Variants in KIF3B observed in about 807,000 individuals in gnomAD.
The protein encoded by KIF3B is kinesin-like protein KIF3B.
In KIF3B, 38 loss-of-function variants were observed where a neutral mutation model predicts 74.3. The ratio of observed to expected loss-of-function variants is 0.51; its 90% CI spans 0.39 to 0.67. The LOEUF (loss-of-function observed/expected upper bound fraction) is 0.67. Among genes scored for constraint, KIF3B ranks in the 30% least tolerant of loss-of-function variants. The probability of loss-of-function intolerance (pLI) is 0.00; values close to 1 mark genes in which losing one functional copy is unlikely to be tolerated. For missense variants in KIF3B, 649 were observed against 932.0 expected, an observed-to-expected ratio of 0.70 and a Z score of 3.95; for synonymous variants, 326 against 342.5, an observed-to-expected ratio of 0.95 and a Z score of 0.53.
At chr20:32,313,696 C>T (rs922432637) in intron 2 of KIF3B, among the ~76,000 whole-genome samples, 2 of 137,168 alleles carry the variant, frequency 1.5e-5, no homozygotes, top group African/African-American at 5.0e-5. Flanking sequence ...ACTGGCTGTG[C>T]CCATATTTTG....
chr20:32,323,485 T>C (rs565822429), intron 5 of KIF3B, among the ~76,000 whole-genome samples: 3 of 150,914 alleles, frequency 2.0e-5, no homozygotes, highest in African/African-American at 7.3e-5. Flanking sequence ...CTGCAAACTC[T>C]GCCTCCCAGG....
chr20:32,325,124 C>A (rs921464546), intron 5 of KIF3B, among the ~76,000 whole-genome samples: 1 of 152,106 alleles, frequency 6.6e-6, no homozygotes, highest in Non-Finnish European at 1.5e-5. Flanking sequence ...AATATACCAA[C>A]ATAATAATAA....
In KIF3B at chr20:32,327,624, G is replaced by T; in HGVS notation, c.1931G>T (p.Arg644Ile). ...GYKRPLSQHA[R>I]MSMMIRPEAR... ...AAGAGACCATTGAGCCAGCACGCAAGAATGTCCATGATGATTCGTCCAGAG... is the reference window on the plus strand; with the variant it reads ...AAGAGACCATTGAGCCAGCACGCAATAATGTCCATGATGATTCGTCCAGAG... Residue 644 changes from arginine to isoleucine, a missense_variant, in exon 7 of 9, where the codon AGA becomes ATA. By Grantham distance (97) the Arg-to-Ile change is moderately conservative. Coordinates refer to ENST00000375712, the MANE Select transcript of KIF3B (RefSeq NM_004798.4). The T allele has an allele frequency of 6.2e-7, 1 of 1,613,434 alleles. No homozygotes were observed. The highest frequency in any genetic ancestry group is 1.1e-5 in the South Asian group (1 of 91,062).
At chr20:32,317,820 T>A (rs2047836021) in intron 5 of KIF3B, among the ~76,000 whole-genome samples, 1 of 152,046 alleles carries the variant, frequency 6.6e-6, no homozygotes, top group African/African-American at 2.4e-5. Context: ...AAAAAAAATT[T>A]TATAGAGATA....
rs566508218 is a variant in KIF3B at position 32,306,564 on chromosome 20, T to C, written c.-65-3149T>C. Among the ~76,000 whole-genome samples the C allele has an allele frequency of 1.2e-3, 184 of 149,554 alleles. 2 individuals carry two copies. Among genetic ancestry groups the C allele is most frequent in the Non-Finnish European group, 2.2e-3 (148 of 67,502 alleles). On this transcript the variant is annotated intron_variant, in intron 1 of 8. Coordinates refer to ENST00000375712, the MANE Select transcript of KIF3B (RefSeq NM_004798.4). ...ATTCTAACACTACAAATGAGTATAC[T>C]GTGAAAAGTTTTTCCTCTTTTTTTT...
chr20:32,303,950 CT>C (rs1208744303), intron 1 of KIF3B, among the ~76,000 whole-genome samples: 2 of 151,806 alleles, frequency 1.3e-5, no homozygotes, highest in African/African-American at 2.4e-5. Context: ...TGGAATGACC[CT>C]CTGACAAGGG....
chr20:32,319,543 C>CATATGTGTATATATA (rs2047847110), intron 5 of KIF3B, among the ~76,000 whole-genome samples: 1 of 142,728 alleles, frequency 7.0e-6, no homozygotes, highest in African/African-American at 2.6e-5. Context: ...CACACACACA[C>CATATGTGTATATATA]ATATGTGTAT....
chr20:32,298,850 G>T (rs1230380663), intron 1 of KIF3B, among the ~76,000 whole-genome samples: 1 of 152,106 alleles, frequency 6.6e-6, no homozygotes, highest in African/African-American at 2.4e-5. Context: ...TAGAAATAGG[G>T]TCTTGCTCTG....
intron 2 of KIF3B, among the ~76,000 whole-genome samples, chr20:32,312,252 G>T (rs1025189669): frequency 6.6e-6 from 1 of 151,534 alleles, no homozygotes; most frequent in Non-Finnish European, 1.5e-5. Flanking sequence ...CTACAGGCAC[G>T]CAACTTTGCC....
chr20:32,295,767 G>A (rs1473607603), intron 1 of KIF3B, among the ~76,000 whole-genome samples: 1 of 151,436 alleles, frequency 6.6e-6, no homozygotes, highest in Non-Finnish European at 1.5e-5. Flanking sequence ...GTTTTACGAA[G>A]CTTCATCATA....
intron 5 of KIF3B, among the ~76,000 whole-genome samples, chr20:32,322,995 T>C (rs1163835159): frequency 1.5e-4 from 2 of 13,304 alleles, no homozygotes; most frequent in Non-Finnish European, 2.3e-4. Context: ...TATATATACA[T>C]ATATTTATAT....
chr20:32,329,696 T>G (rs2047921043), intron 7 of KIF3B, among the ~76,000 whole-genome samples: 1 of 152,208 alleles, frequency 6.6e-6, no homozygotes, highest in Non-Finnish European at 1.5e-5. Context: ...TAAAATTTGA[T>G]GTAAAATATA....
At chr20:32,290,947 G>T (rs1208145763) in intron 1 of KIF3B, among the ~76,000 whole-genome samples, 1 of 151,970 alleles carries the variant, frequency 6.6e-6, no homozygotes, top group Non-Finnish European at 1.5e-5. Context: ...AAAAAAGAAG[G>T]AAGTTCTGAC....
Position 32,326,841 on chromosome 20 carries a change from G to T in KIF3B, c.1819G>T (p.Glu607Ter). The T allele has an allele frequency of 6.3e-7, 1 of 1,593,306 alleles. No homozygotes were observed. Reference sequence around the variant, plus strand: ...AATTATGAATAGAGCCTTCTTTGATGAAGAGGAAGATCATTGGAAACTACA... The same window carrying T: ...AATTATGAATAGAGCCTTCTTTGATTAAGAGGAAGATCATTGGAAACTACA... ...SKIMNRAFFD[E>*]EEDHWKLHPI... Residue 607 changes from glutamate to a stop codon, truncating the protein, a stop_gained, in exon 6 of 9, where the codon GAA becomes TAA. Transcript: ENST00000375712. LOFTEE classifies it high-confidence loss of function.
In KIF3B at chr20:32,310,541, C is replaced by T; in HGVS notation, c.764C>T (p.Thr255Ile). The change falls in exon 2 of 9, where the codon ACC becomes ATC. Residue 255 changes from threonine (T) to isoleucine (I), a missense_variant. Around this residue, in one of 4 missense-constraint regions of KIF3B, gnomAD observed 363 missense variants for 592.8 expected, o/e 0.61. Transcript: ENST00000375712. The surrounding 1 kb of genome is among the most constrained non-coding windows in gnomAD (Gnocchi z 6.5). ...DLAGSERQAKTGAQGERLKEA... is the reference protein window; with the variant it reads ...DLAGSERQAKIGAQGERLKEA... Reference sequence around the variant, plus strand: ...GCTGGCAGCGAACGGCAAGCCAAGACCGGCGCACAAGGGGAGAGATTAAAA... The same window carrying T: ...GCTGGCAGCGAACGGCAAGCCAAGATCGGCGCACAAGGGGAGAGATTAAAA... The T allele has an allele frequency of 1.2e-6, 2 of 1,614,046 alleles. No individual in the cohort carries two copies. Among genetic ancestry groups the T allele is most frequent in the Middle Eastern group, 3.3e-4 (2 of 6,062 alleles).
chr20:32,328,674 G>A (rs2047916080), intron 7 of KIF3B, among the ~76,000 whole-genome samples: 1 of 151,922 alleles, frequency 6.6e-6, no homozygotes, highest in East Asian at 1.9e-4. Context: ...GTCATGGCCA[G>A]TAAATATTAA....
intron 1 of KIF3B, among the ~76,000 whole-genome samples, chr20:32,290,240 G>C (rs571280625): frequency 6.6e-6 from 1 of 151,976 alleles, no homozygotes; most frequent in Non-Finnish European, 1.5e-5. Context: ...AAAGTTAGCC[G>C]TGCGTGGTGG....
Position 32,334,725 on chromosome 20 carries a change from C to T in KIF3B, c.*3406C>T, listed in dbSNP as rs2047947373. On this transcript the variant is annotated 3_prime_UTR_variant, in exon 9 of 9. Transcript: ENST00000375712. Reference sequence around the variant, plus strand: ...TTTGTACTGTTCAGAAATCTGTCACCTTTCTGCCTGCCCTTGTTTCCTGAA... The same window carrying T: ...TTTGTACTGTTCAGAAATCTGTCACTTTTCTGCCTGCCCTTGTTTCCTGAA... 6.6e-6 allele frequency: 1 copy of T among 152,190 alleles called. No homozygotes were observed. The highest frequency in any genetic ancestry group is 1.5e-5 in the Non-Finnish European group (1 of 68,044). The allele number at this position is 152,190 out of a possible 1,614,324, so 9.4% of individuals were successfully genotyped here. A position where few individuals can be genotyped will look rare whatever the true frequency, so the allele number is the denominator to read the frequency against.
chr20:32,309,507 G>C (rs368220670), intron 1 of KIF3B, among the ~76,000 whole-genome samples: 3 of 152,144 alleles, frequency 2.0e-5, no homozygotes, highest in Non-Finnish European at 4.4e-5. Flanking sequence ...AGGAGGATGG[G>C]CTAGCCAACA....
Sources: allele counts gnomAD v4.1 joint callset (sites outside exome capture counted in the v4.1 genomes callset), GRCh38; gene constraint gnomAD v4.1.1; regional missense constraint gnomAD v4.1.1; non-coding constraint Gnocchi (gnomAD v3.1); transcripts MANE v1.5; gene names NCBI Gene and HGNC (gene_info 2026-07-23, HGNC 2026-07-21).